ADGRB3: variants seen among roughly 807,000 people sequenced by gnomAD.
ADGRB3 encodes adhesion G protein-coupled receptor B3.
ADGRB3 carries 37 observed loss-of-function variants against 193.4 expected under a neutral mutation model. The observed-to-expected ratio is 0.19, with a 90% CI of 0.15 to 0.25. The LOEUF is 0.25. Ranked by LOEUF, ADGRB3 falls within the 10% of genes least tolerant of loss-of-function variation. The pLI is 1.00. For missense variants in ADGRB3, 1,637 were observed against 1,852.9 expected, an observed-to-expected ratio of 0.88 and a Z score of 2.14; for synonymous variants, 690 against 644.2, an observed-to-expected ratio of 1.07 and a Z score of -1.08.
intron 3 of ADGRB3, among the ~76,000 whole-genome samples, chr6:68,802,519 C>T (rs566318533): frequency 1.4e-4 from 22 of 152,174 alleles, no homozygotes; most frequent in Admixed American, 3.3e-4. Context: ...AGAGTATAAA[C>T]TCAATATTTA....
intron 3 of ADGRB3, among the ~76,000 whole-genome samples, chr6:68,886,231 C>G (rs1047875187): frequency 3.3e-5 from 5 of 152,016 alleles, no homozygotes; most frequent in African/African-American, 1.2e-4. Context: ...TGGTGTTTAC[C>G]TTGCTGGACA....
chr6:69,004,249 T>A (rs559272312), intron 11 of ADGRB3, among the ~76,000 whole-genome samples: 1 of 152,286 alleles, frequency 6.6e-6, no homozygotes, highest in Non-Finnish European at 1.5e-5. Context: ...GGAGGCTAGA[T>A]CTCCAAGATC....
intron 8 of ADGRB3, among the ~76,000 whole-genome samples, chr6:68,972,481 ACTCAGTTTCTC>A (rs1768603112): frequency 6.6e-6 from 1 of 152,092 alleles, no homozygotes; most frequent in Non-Finnish European, 1.5e-5. Context: ...CCCCTCCTGC[ACTCAGTTTCTC>A]CTCTGGATTC....
chr6:68,985,844 G>A (rs577120789), intron 10 of ADGRB3, among the ~76,000 whole-genome samples: 1 of 152,224 alleles, frequency 6.6e-6, no homozygotes, highest in South Asian at 2.1e-4. Flanking sequence ...GAAATCTACA[G>A]AGAAACATCA....
intron 3 of ADGRB3, among the ~76,000 whole-genome samples, chr6:68,855,038 C>A (rs973397857): frequency 6.6e-6 from 1 of 152,188 alleles, no homozygotes; most frequent in Admixed American, 6.6e-5. Context: ...GGCACGACAG[C>A]TTTTATCAGG....
intron 17 of ADGRB3, among the ~76,000 whole-genome samples, chr6:69,225,061 G>C (rs1348557411): frequency 1.3e-5 from 2 of 152,042 alleles, no homozygotes; most frequent in African/African-American, 4.8e-5. Flanking sequence ...ATTGTAACCT[G>C]TTGGGAGATT....
At position 69,218,222 on chromosome 6, in the gene ADGRB3, C is replaced by T. The variant is rs368425402; in HGVS notation, c.2481-15068C>T. ...CAATTGAATATGTTGAACCCATTAA[C>T]GTCAGGACTGATTCTGGTACCAAAA... On this transcript the variant is annotated intron_variant, in intron 17 of 31. Coordinates refer to ENST00000370598, the MANE Select transcript of ADGRB3 (RefSeq NM_001704.3). Among the ~76,000 whole-genome samples the T allele has an allele frequency of 1.4e-4, 22 of 152,208 alleles. No individual in the cohort carries two copies. The South Asian group carries it at 1.5e-3, about 10-fold the overall frequency.
intron 3 of ADGRB3, among the ~76,000 whole-genome samples, chr6:68,771,300 T>A (rs1004776380): frequency 6.6e-6 from 1 of 151,638 alleles, no homozygotes; most frequent in Non-Finnish European, 1.5e-5. Flanking sequence ...GAAGACCCAA[T>A]GTGTGCACAT....
intron 3 of ADGRB3, among the ~76,000 whole-genome samples, chr6:68,920,094 C>T (rs2150241730): frequency 6.6e-6 from 1 of 152,236 alleles, no homozygotes; most frequent in South Asian, 2.1e-4. Flanking sequence ...AGGAGGAAAA[C>T]ATTCAATGTG....
intron 15 of ADGRB3, among the ~76,000 whole-genome samples, chr6:69,061,315 A>C (rs529182668): frequency 6.6e-6 from 1 of 151,884 alleles, no homozygotes; most frequent in Non-Finnish European, 1.5e-5. Context: ...TCCTCCAACC[A>C]CGGAATAACT....
At chr6:69,009,423 G>A (rs1290080578) in intron 11 of ADGRB3, among the ~76,000 whole-genome samples, 2 of 152,082 alleles carry the variant, frequency 1.3e-5, no homozygotes, top group Admixed American at 1.3e-4. Flanking sequence ...GTCCAAGAAA[G>A]CAAACAGCAT....
intron 17 of ADGRB3, among the ~76,000 whole-genome samples, chr6:69,178,334 A>G (rs781497314): frequency 2.6e-5 from 4 of 152,180 alleles, no homozygotes; most frequent in Non-Finnish European, 5.9e-5. Context: ...ACATTACATT[A>G]CAGGTGTGAT....
intron 13 of ADGRB3, among the ~76,000 whole-genome samples, chr6:69,039,691 A>C (rs531370965): frequency 6.6e-6 from 1 of 152,156 alleles, no homozygotes; most frequent in African/African-American, 2.4e-5. Flanking sequence ...TAGGAAAGGA[A>C]GATAATGGTT....
At chr6:68,705,867 G>C (rs1411244001) in intron 3 of ADGRB3, among the ~76,000 whole-genome samples, 1 of 152,182 alleles carries the variant, frequency 6.6e-6, no homozygotes, top group Non-Finnish European at 1.5e-5. Context: ...TCAGTAGATA[G>C]AAAATTACAA....
chr6:69,116,250 T>C (rs1773528919), intron 17 of ADGRB3, among the ~76,000 whole-genome samples: 1 of 152,088 alleles, frequency 6.6e-6, no homozygotes, highest in Admixed American at 6.5e-5. Context: ...GTTAACCACA[T>C]CTCCAAAACT....
chr6:68,954,961 G>A (rs181338900), intron 6 of ADGRB3, among the ~76,000 whole-genome samples: 23 of 152,218 alleles, frequency 1.5e-4, no homozygotes, highest in Non-Finnish European at 2.9e-4. Flanking sequence ...GATTACAGGC[G>A]TGTTCAATGG....
In ADGRB3 at chr6:69,356,300, A is replaced by G. The variant is rs540975521; in HGVS notation, c.3595+440A>G. Among the ~76,000 whole-genome samples the G allele has an allele frequency of 3.3e-5, 5 of 152,308 alleles. No individual in the cohort carries two copies. In the East Asian group the frequency reaches 9.6e-4, roughly 29 times the overall value. On this transcript the variant is annotated intron_variant, in intron 28 of 31. Coordinates refer to ENST00000370598, the MANE Select transcript of ADGRB3 (RefSeq NM_001704.3). ...TCTACAGGCAGAATTTGTAATGAGT[A>G]CATGTTCTTACATTAAGCACACTAA...
At chr6:68,679,780 A>G (rs1158330240) in intron 3 of ADGRB3, among the ~76,000 whole-genome samples, 3 of 152,194 alleles carry the variant, frequency 2.0e-5, no homozygotes, top group Non-Finnish European at 4.4e-5. Flanking sequence ...TGTTCAATAG[A>G]AAAGCATCAT....
chr6:68,692,302 C>G (rs1391202576), intron 3 of ADGRB3, among the ~76,000 whole-genome samples: 1 of 151,566 alleles, frequency 6.6e-6, no homozygotes, highest in Non-Finnish European at 1.5e-5. Flanking sequence ...TTTGATTATC[C>G]CCTAGGAAGT....
Sources: gnomAD v4.1 joint callset for allele counts (sites outside exome capture counted in the v4.1 genomes callset) on GRCh38, gnomAD v4.1.1 for gene constraint, MANE v1.5 for transcripts, NCBI Gene and HGNC (gene_info 2026-07-23, HGNC 2026-07-21) for gene names.